BDNF: variants seen among roughly 807,000 people sequenced by gnomAD.
BDNF encodes brain derived neurotrophic factor.
Under a neutral mutation model 19.5 loss-of-function variants are expected in BDNF, and 1 was observed. The ratio of observed to expected loss-of-function variants is 0.05; its 90% CI spans 0.02 to 0.24. The LOEUF is 0.24. Among genes scored for constraint, BDNF ranks in the 10% least tolerant of loss-of-function variants. The probability of loss-of-function intolerance (pLI) is 1.00; values close to 1 mark genes in which losing one functional copy is unlikely to be tolerated. For missense variants in BDNF, 195 were observed against 317.6 expected (o/e 0.61, Z 2.93); for synonymous variants, 100 against 121.6 (o/e 0.82, Z 1.17).
chr11:27,689,281 T>C (rs1857936799), intron 1 of BDNF, among the ~76,000 whole-genome samples: 1 of 152,242 alleles, frequency 6.6e-6, no homozygotes, highest in Admixed American at 6.5e-5. Context: ...CTTGCTCTGG[T>C]TCTACAGCTG....
At position 27,658,776 on chromosome 11, in the gene BDNF, A is replaced by G. The variant is rs575405185; in HGVS notation, c.-21-191T>C. ...AGTGTGCTGTATGTGGTTTAATATA[A>G]ACCAGAGACATGCAGTGTTTCCCCC... On this transcript the variant is annotated intron_variant, in intron 1 of 1. Coordinates refer to ENST00000356660, the MANE Select transcript of BDNF (RefSeq NM_001709.5). The surrounding 1 kb of genome is among the most constrained non-coding windows in gnomAD (Gnocchi z 5.7). 1.4e-6 allele frequency: 2 copies of G among 1,461,406 alleles called. No individual in the cohort carries two copies. The highest frequency in any genetic ancestry group is 2.9e-5 in the African/African-American group (2 of 70,058). 90.5% of individuals were successfully genotyped at this position (1,461,406 alleles called of 1,614,324 possible).
At chr11:27,663,459 T>C (rs575013809) in intron 1 of BDNF, among the ~76,000 whole-genome samples, 2 of 152,358 alleles carry the variant, frequency 1.3e-5, no homozygotes, top group Admixed American at 1.3e-4. Flanking sequence ...GTCTTAGACA[T>C]TTCACTGAAA....
intron 1 of BDNF, chr11:27,721,275 T>C (rs1360466482): frequency 6.0e-6 from 6 of 998,628 alleles, no homozygotes; most frequent in Non-Finnish European, 9.6e-6. Context: ...AGTTGCACTG[T>C]GTAAAAACCC....
chr11:27,701,653 C>T (rs1859903045), upstream of BDNF: 2 of 984,412 alleles, frequency 2.0e-6, no homozygotes, highest in Non-Finnish European at 2.4e-6. Flanking sequence ...CGAGAGGGCT[C>T]CACGGTGCCT....
In BDNF at chr11:27,655,462, C is replaced by T. The variant is rs1002383660; in HGVS notation, c.*2359G>A. The T allele has an allele frequency of 2.6e-5, 4 of 152,198 alleles. No homozygotes were observed. The highest frequency in any genetic ancestry group is 9.7e-5 in the African/African-American group (4 of 41,414). The allele number at this position is 152,198 out of a possible 1,614,324, so 9.4% of individuals were successfully genotyped here. A position where few individuals can be genotyped will look rare whatever the true frequency, so the allele number is the denominator to read the frequency against. ...GGGGGGTTGTTTGTTTTAAATTTGT[C>T]CCTCAAAAGGAAGCTGCATAAAGTT... On this transcript the variant is annotated 3_prime_UTR_variant, in exon 2 of 2. Coordinates refer to ENST00000356660, the MANE Select transcript of BDNF (RefSeq NM_001709.5).
intron 1 of BDNF, among the ~76,000 whole-genome samples, chr11:27,716,444 C>T (rs1324262919): frequency 8.3e-6 from 1 of 121,202 alleles, no homozygotes; most frequent in Non-Finnish European, 1.7e-5. Flanking sequence ...CGCCCATACA[C>T]ACACACACAC....
upstream of BDNF, among the ~76,000 whole-genome samples, chr11:27,704,449 A>T (rs925571393): frequency 2.6e-5 from 4 of 152,164 alleles, no homozygotes; most frequent in Non-Finnish European, 5.9e-5. Context: ...TCTATTAATA[A>T]TTTTAATTGG....
At chr11:27,687,993 C>T (rs1857716199) in intron 1 of BDNF, among the ~76,000 whole-genome samples, 1 of 152,206 alleles carries the variant, frequency 6.6e-6, no homozygotes, top group Non-Finnish European at 1.5e-5. Flanking sequence ...TTTAAGTCTG[C>T]TGAAGCTGGG....
At position 27,697,160 on chromosome 11, in the gene BDNF, C is replaced by CAGAGAG. The variant is rs1362364179; in HGVS notation, c.-22+3003_-22+3004insCTCTCT. 5.3e-3 allele frequency among the ~76,000 whole-genome samples: 624 copies of CAGAGAG among 117,884 alleles called. 4 individuals carry two copies. Among genetic ancestry groups the CAGAGAG allele is most frequent in the Non-Finnish European group, 8.3e-3 (436 of 52,596 alleles). The allele number at this position is 117,884 out of a possible 152,430, so 77.3% of individuals were successfully genotyped here. On this transcript the variant is annotated intron_variant, in intron 1 of 1. Coordinates refer to ENST00000356660, the MANE Select transcript of BDNF (RefSeq NM_001709.5). ...ACGTGCACGCACACACACACACACA[C>CAGAGAG]ACACAGAGAGAGAGAGAGAGAGAGA...
At chr11:27,718,850 G>T (rs866083344) in intron 1 of BDNF, among the ~76,000 whole-genome samples, 107 of 152,240 alleles carry the variant, frequency 7.0e-4, no homozygotes, top group Middle Eastern at 6.8e-3. Flanking sequence ...TTCGGAAACA[G>T]ATTTTTCCTA....
intron 1 of BDNF, among the ~76,000 whole-genome samples, chr11:27,710,555 C>T (rs1038619687): frequency 2.6e-5 from 4 of 152,180 alleles, no homozygotes; most frequent in Non-Finnish European, 5.9e-5. Context: ...CATTGAATTG[C>T]ACAAGGAAAG....
At chr11:27,720,802 T>C (rs1038684556) in intron 1 of BDNF, 2 of 988,164 alleles carry the variant, frequency 2.0e-6, no homozygotes, top group Non-Finnish European at 2.4e-6. Flanking sequence ...TTCTTCCACT[T>C]CCTTACGGTT....
chr11:27,699,339 C>T (rs780743014), intron 1 of BDNF: 13 of 1,611,914 alleles, frequency 8.1e-6, no homozygotes, highest in South Asian at 2.2e-5. Flanking sequence ...AGGCACAGAG[C>T]CCCCAATCCT....
intron 1 of BDNF, among the ~76,000 whole-genome samples, chr11:27,673,240 G>T (rs1244495090): frequency 7.0e-6 from 1 of 143,144 alleles, no homozygotes; most frequent in Non-Finnish European, 1.5e-5. Context: ...GAATAAGCAT[G>T]CTGTGTACAA....
rs202011320 is a variant in BDNF, at chr11:27,659,648, TGC to T, written c.-21-1065_-21-1064del. 179 of 980,500 alleles carry T rather than the reference TGC, an allele frequency of 1.8e-4. No individual in the cohort carries two copies. The African/African-American group carries it at 3.0e-3, about 16-fold the overall frequency. 60.7% of individuals were successfully genotyped at this position (980,500 alleles called of 1,614,324 possible). A position where few individuals can be genotyped will look rare whatever the true frequency, so the allele number is the denominator to read the frequency against. On this transcript the variant is annotated intron_variant, in intron 1 of 1. Transcript: ENST00000356660. ...TTCTCTCTGTGTGTGTGTGTGTGTGTGCGCGCGCGCGTGTGCGCGCGCTCTGA... is the reference window on the plus strand; with the variant it reads ...TTCTCTCTGTGTGTGTGTGTGTGTGTGCGCGCGCGTGTGCGCGCGCTCTGA...
upstream of BDNF, among the ~76,000 whole-genome samples, chr11:27,704,263 G>A (rs192632525): frequency 8.3e-4 from 127 of 152,164 alleles, no homozygotes; most frequent in African/African-American, 2.6e-3. Context: ...TTGTGAATTC[G>A]TCTGAATCTT....
intron 1 of BDNF, among the ~76,000 whole-genome samples, chr11:27,713,225 T>C (rs1180729778): frequency 6.6e-6 from 1 of 152,174 alleles, no homozygotes; most frequent in Non-Finnish European, 1.5e-5. Context: ...ACATTGATTA[T>C]GGAAGTTATT....
intron 1 of BDNF, among the ~76,000 whole-genome samples, chr11:27,697,176 G>C (rs1017790791): frequency 4.6e-5 from 7 of 151,972 alleles, no homozygotes; most frequent in East Asian, 1.9e-4. Flanking sequence ...GAGAGAGAGA[G>C]AGAGAGAGAG....
intron 1 of BDNF, among the ~76,000 whole-genome samples, chr11:27,691,685 T>C (rs1420430783): frequency 6.6e-6 from 1 of 152,160 alleles, no homozygotes; most frequent in Non-Finnish European, 1.5e-5. Flanking sequence ...GCATTTTATG[T>C]CATGGCCATG....
Sources: gnomAD v4.1 joint callset for allele counts (sites outside exome capture counted in the v4.1 genomes callset) on GRCh38, gnomAD v4.1.1 for gene constraint, Gnocchi (gnomAD v3.1) non-coding constraint, MANE v1.5 for transcripts, NCBI Gene and HGNC (gene_info 2026-07-23, HGNC 2026-07-21) for gene names.